The following LRRC7 variants were observed in gnomAD, a reference collection of about 807,000 sequenced individuals.
LRRC7 encodes leucine-rich repeat-containing protein 7.
In LRRC7, 23 loss-of-function variants were observed where a neutral mutation model predicts 175.7. The observed-to-expected ratio is 0.13, with a 90% CI of 0.09 to 0.19. The LOEUF is 0.19. LRRC7 is among the 10% of genes least tolerant of loss of function. The probability of loss-of-function intolerance (pLI) is 1.00; values close to 1 mark genes in which losing one functional copy is unlikely to be tolerated. For missense variants in LRRC7, 1,354 were observed against 1,904.7 expected (o/e 0.71, Z 5.38); for synonymous variants, 685 against 680.9 (o/e 1.01, Z -0.09).
intron 7 of LRRC7, among the ~76,000 whole-genome samples, chr1:69,914,319 TAGAA>T (rs1165761752): frequency 1.3e-5 from 2 of 152,156 alleles, no homozygotes; most frequent in East Asian, 3.8e-4. Flanking sequence ...CTGAATCTAA[TAGAA>T]AGAAAATCAT....
chr1:70,027,052 C>T (rs528429754), intron 17 of LRRC7, among the ~76,000 whole-genome samples: 1 of 151,918 alleles, frequency 6.6e-6, no homozygotes, highest in South Asian at 2.1e-4. Context: ...TCTCCCTTTT[C>T]CGATCTTCCT....
In LRRC7 at chr1:70,043,968, A is replaced by G. The variant is rs745648198; in HGVS notation, c.3984A>G (p.Lys1328=). The G allele has an allele frequency of 1.1e-5, 17 of 1,611,664 alleles. No individual in the cohort carries two copies. The Admixed American group carries it at 2.8e-4, about 27-fold the overall frequency. Residue 1328 remains lysine (K), a synonymous_variant, in exon 22 of 27, where the codon AAA becomes AAG. Transcript: ENST00000651989. ...ARRLDRNAAY[K]HNTVNLGMLP... The stretch of plus-strand genomic sequence containing the variant: ...CCTCTACTCAGAATGCTGCTTACAA[A>G]CACAATACAGTTAACCTTGGCATGC...
chr1:69,696,150 C>A (rs1662554425), intron 2 of LRRC7, among the ~76,000 whole-genome samples: 1 of 152,224 alleles, frequency 6.6e-6, no homozygotes, highest in Admixed American at 6.5e-5. Flanking sequence ...ACAGGAGCTG[C>A]ATCATGCAAA....
At chr1:69,972,174 A>G (rs995382248) in intron 8 of LRRC7, among the ~76,000 whole-genome samples, 1 of 152,236 alleles carries the variant, frequency 6.6e-6, no homozygotes, top group Non-Finnish European at 1.5e-5. Flanking sequence ...AAAATTCTAG[A>G]AGACAGTGTT....
chr1:69,853,041 A>G (rs749141453), intron 7 of LRRC7, among the ~76,000 whole-genome samples: 5 of 152,142 alleles, frequency 3.3e-5, no homozygotes, highest in Admixed American at 6.6e-5. Context: ...TGAAAATTTT[A>G]CAAAATCTTT....
At chr1:70,084,962 TA>T (rs1425521847) in intron 24 of LRRC7, among the ~76,000 whole-genome samples, 3 of 152,182 alleles carry the variant, frequency 2.0e-5, no homozygotes, top group African/African-American at 7.2e-5. Context: ...GAAACATCTT[TA>T]AAAATATTTT....
rs1395617389 is a variant in LRRC7 at position 70,142,884 on chromosome 1, AG to A, written c.*20998del. The A allele has an allele frequency of 6.6e-6, 1 of 152,062 alleles. No homozygotes were observed. Among genetic ancestry groups the A allele is most frequent in the African/African-American group, 2.4e-5 (1 of 41,426 alleles). The allele number at this position is 152,062 out of a possible 1,614,324, so 9.4% of individuals were successfully genotyped here. A position where few individuals can be genotyped will look rare whatever the true frequency, so the allele number is the denominator to read the frequency against. ...TAAGAATTATATGTAAAAGGATACT[AG>A]ATATTATGTTTTGGATGTTTTCTAA... is the stretch of plus-strand genomic sequence containing the variant. On this transcript the variant is annotated 3_prime_UTR_variant, in exon 27 of 27. Transcript: ENST00000651989.
chr1:70,071,392 A>G (rs1179553607), intron 23 of LRRC7, among the ~76,000 whole-genome samples: 2 of 152,064 alleles, frequency 1.3e-5, no homozygotes, highest in African/African-American at 4.8e-5. Flanking sequence ...TTTTAGTTGT[A>G]CTTAATGGAA....
At chr1:70,009,966 G>A (rs1656350214) in intron 11 of LRRC7, among the ~76,000 whole-genome samples, 1 of 152,048 alleles carries the variant, frequency 6.6e-6, no homozygotes, top group Non-Finnish European at 1.5e-5. Context: ...TCAACCCTTA[G>A]TGAGTATAAT....
At chr1:69,592,383 A>G (rs1342183338) in intron 1 of LRRC7, among the ~76,000 whole-genome samples, 1 of 152,120 alleles carries the variant, frequency 6.6e-6, no homozygotes, top group Non-Finnish European at 1.5e-5. Context: ...AAACAAAACA[A>G]TTAGAAAAGA....
intron 8 of LRRC7, among the ~76,000 whole-genome samples, chr1:69,957,939 C>T (rs1650668828): frequency 6.6e-6 from 1 of 151,806 alleles, no homozygotes. Flanking sequence ...GAGGTTAGCT[C>T]ATAGGAATGC....
At chr1:69,907,375 C>G (rs1038987343) in intron 7 of LRRC7, among the ~76,000 whole-genome samples, 15 of 152,160 alleles carry the variant, frequency 9.9e-5, no homozygotes, top group African/African-American at 3.4e-4. Flanking sequence ...TTTGCCCATT[C>G]AGTATGATAT....
chr1:69,729,029 G>C (rs557864837), intron 2 of LRRC7, among the ~76,000 whole-genome samples: 1 of 152,126 alleles, frequency 6.6e-6, no homozygotes, highest in African/African-American at 2.4e-5. Context: ...AGTGCTGAGC[G>C]AAAGGCAGGG....
chr1:69,882,396 G>C (rs937774634), intron 7 of LRRC7, among the ~76,000 whole-genome samples: 1 of 152,054 alleles, frequency 6.6e-6, no homozygotes, highest in African/African-American at 2.4e-5. Context: ...ATCAAAGAGA[G>C]ATTTGCAGTC....
intron 3 of LRRC7, among the ~76,000 whole-genome samples, chr1:69,788,166 C>G (rs1255679082): frequency 6.6e-6 from 1 of 152,184 alleles, no homozygotes; most frequent in Non-Finnish European, 1.5e-5. Flanking sequence ...AGTCTTCTAT[C>G]CTTCCACTTG....
At chr1:69,901,038 A>G (rs1313433321) in intron 7 of LRRC7, among the ~76,000 whole-genome samples, 3 of 152,212 alleles carry the variant, frequency 2.0e-5, no homozygotes, top group Non-Finnish European at 2.9e-5. Context: ...AATATTGAGG[A>G]ATTTAGACTT....
At chr1:69,660,911 A>T (rs1363563942) in intron 1 of LRRC7, among the ~76,000 whole-genome samples, 1 of 152,102 alleles carries the variant, frequency 6.6e-6, no homozygotes, top group Non-Finnish European at 1.5e-5. Flanking sequence ...ATTGTAGCAT[A>T]AAGGCTGTAC....
At chr1:69,826,598 T>C (rs1475564717) in intron 5 of LRRC7, among the ~76,000 whole-genome samples, 1 of 152,084 alleles carries the variant, frequency 6.6e-6, no homozygotes, top group Non-Finnish European at 1.5e-5. Context: ...TTGTAATATT[T>C]AGAAGAGGTT....
intron 26 of LRRC7, among the ~76,000 whole-genome samples, chr1:70,118,536 G>C (rs996867721): frequency 3.9e-5 from 6 of 152,226 alleles, no homozygotes; most frequent in African/African-American, 1.4e-4. Flanking sequence ...AGGGAAAAAT[G>C]TTCATTATTT....
Sources: allele counts gnomAD v4.1 joint callset (sites outside exome capture counted in the v4.1 genomes callset), GRCh38; gene constraint gnomAD v4.1.1; transcripts MANE v1.5; gene names NCBI Gene and HGNC (gene_info 2026-07-23, HGNC 2026-07-21).